The following HECTD4 variants were observed in gnomAD, a reference collection of about 807,000 sequenced individuals.
HECTD4 encodes probable E3 ubiquitin-protein ligase HECTD4.
HECTD4 carries 114 observed loss-of-function variants against 471.5 expected under a neutral mutation model. The observed-to-expected ratio is 0.24, with a 90% CI of 0.21 to 0.28. The LOEUF (loss-of-function observed/expected upper bound fraction) is 0.28. Among genes scored for constraint, HECTD4 ranks in the 10% least tolerant of loss-of-function variants. The probability of loss-of-function intolerance (pLI) is 1.00; values close to 1 mark genes in which losing one functional copy is unlikely to be tolerated. For synonymous variants in HECTD4, 2,012 were observed against 2,256.0 expected, an observed-to-expected ratio of 0.89 and a Z score of 3.07; for missense variants, 3,866 against 5,651.5, an observed-to-expected ratio of 0.68 and a Z score of 10.13.
intron 55 of HECTD4, 73 bp from the exon 56 acceptor site, chr12:112,195,139 G>A: frequency 7.4e-7 from 1 of 1,350,892 alleles, no homozygotes; most frequent in Non-Finnish European, 1.0e-6. Flanking sequence ...CAGGCCGCAG[G>A]TTCTGAAGGA....
At position 112,235,259 on chromosome 12, in the gene HECTD4, C is replaced by G. The variant is rs2033474133; in HGVS notation, c.5733G>C (p.Gln1911His). The G allele has an allele frequency of 1.2e-6, 2 of 1,611,846 alleles. No individual in the cohort carries two copies. The highest frequency in any genetic ancestry group is 1.3e-5 in the African/African-American group (1 of 74,754). Reference protein sequence around the residue: ...KLADYVVPGCQTVLSPTASEP... With the variant: ...KLADYVVPGCHTVLSPTASEP... ...CAGAAGCGGTTGGAGAAAGAACTGT[C>G]TGACATCCTTTAAGCAAAAAACAAA... Residue 1911 changes from glutamine (Q) to histidine (H), a missense_variant, in exon 37 of 76, where the codon CAG becomes CAC. Physicochemically the swap from Gln to His is conservative, Grantham distance 24. This residue lies in a region of HECTD4 where 617 missense variants were observed against 915.1 expected (regional missense o/e 0.67). Transcript: ENST00000682272. The surrounding 1 kb of genome is among the most constrained non-coding windows in gnomAD (Gnocchi z 5.0).
At position 112,182,175 on chromosome 12, in the gene HECTD4, A is replaced by T. The variant is rs146115249; in HGVS notation, c.10987+884T>A. ...AAGATGAAATTTCAAACATTAAAGAATTACATTAAGGCCAGTGTGATGACT... is the reference window on the plus strand; with the variant it reads ...AAGATGAAATTTCAAACATTAAAGATTTACATTAAGGCCAGTGTGATGACT... On this transcript the variant is annotated intron_variant, in intron 62 of 75. Coordinates refer to ENST00000682272, the MANE Select transcript of HECTD4 (RefSeq NM_001388303.1). 6.8e-3 allele frequency among the ~76,000 whole-genome samples: 1,040 copies of T among 152,108 alleles called. 10 individuals carry two copies. The highest frequency in any genetic ancestry group is 0.012 in the Non-Finnish European group (810 of 67,992).
In HECTD4 at chr12:112,171,174, G is replaced by T. The variant is rs750014282; in HGVS notation, c.11875C>A (p.Leu3959Met). 1.9e-6 allele frequency: 3 copies of T among 1,613,562 alleles called. No homozygotes were observed. In the Admixed American group the frequency reaches 5.0e-5, roughly 27 times the overall value. The change falls in exon 68 of 76, where the codon CTG becomes ATG. Residue 3959 changes from leucine to methionine, a missense_variant. By Grantham distance (15) the Leu-to-Met change is conservative. Around this residue, in one of 16 missense-constraint regions of HECTD4, gnomAD observed 715 missense variants for 1,087.6 expected, o/e 0.66. Coordinates refer to ENST00000682272, the MANE Select transcript of HECTD4 (RefSeq NM_001388303.1). ...TGGGTATACATGGGTGTCTGGCGCA[G>T]CTCCACCAGGGGCAGGAAGAAGGTC... Reference protein sequence around the residue: ...LETFFLPLVELRQTPMYTHSI... With the variant: ...LETFFLPLVEMRQTPMYTHSI...
intron 1 of HECTD4, among the ~76,000 whole-genome samples, chr12:112,344,295 G>A (rs1001019736): frequency 1.3e-5 from 2 of 152,126 alleles, no homozygotes; most frequent in African/African-American, 2.4e-5. Flanking sequence ...ATCCTAGAAT[G>A]TCCTGTTTTA....
chr12:112,251,007 GCTT>G lies in HECTD4; in HGVS notation c.3677_3679del (p.Glu1226del), dbSNP rs763620382. ...TTTGGACCGCAATAGCTCCTGACAG[GCTT>G]CTTCTTCTTTGGTAATTTCTGGTCC... is the stretch of plus-strand genomic sequence containing the variant. On this transcript the variant is annotated inframe_deletion, in exon 24 of 76. Transcript: ENST00000682272. 4 of 1,613,484 alleles carry G rather than the reference GCTT, an allele frequency of 2.5e-6. No individual in the cohort carries two copies. Among genetic ancestry groups the G allele is most frequent in the African/African-American group, 1.3e-5 (1 of 75,016 alleles).
At chr12:112,375,427 T>C (rs894900700) in intron 1 of HECTD4, among the ~76,000 whole-genome samples, 1 of 152,132 alleles carries the variant, frequency 6.6e-6, no homozygotes, top group African/African-American at 2.4e-5. Flanking sequence ...CAATGAAATA[T>C]GAGAAGCACT....
At chr12:112,247,171 G>A in intron 28 of HECTD4, 95 bp from the exon 29 acceptor site, 1 of 1,037,762 alleles carries the variant, frequency 9.6e-7, no homozygotes. Context: ...AGAAGACACA[G>A]GGGAAACTAA....
Position 112,194,859 on chromosome 12 carries a change from G to C in HECTD4, c.8749+26C>G, listed in dbSNP as rs1161994627. 1 of 1,590,956 alleles carries C rather than the reference G, an allele frequency of 6.3e-7. No individual in the cohort carries two copies. The highest frequency in any genetic ancestry group is 2.3e-5 in the East Asian group (1 of 43,948). On this transcript the variant is annotated intron_variant, in intron 56 of 75. Coordinates refer to ENST00000682272, the MANE Select transcript of HECTD4 (RefSeq NM_001388303.1). The surrounding 1 kb of genome is among the most constrained non-coding windows in gnomAD (Gnocchi z 4.6). ...CGCCCGCCTGGTGCTAAGTTCCAGAGTGACAGCAGCAAAGCCAAGTTTTAC... is the reference window on the plus strand; with the variant it reads ...CGCCCGCCTGGTGCTAAGTTCCAGACTGACAGCAGCAAAGCCAAGTTTTAC...
chr12:112,337,675 A>G lies in HECTD4; in HGVS notation c.178-17933T>C, dbSNP rs539436342. Among the ~76,000 whole-genome samples the G allele has an allele frequency of 1.4e-4, 22 of 152,358 alleles. No homozygotes were observed. In the South Asian group the frequency reaches 4.6e-3, roughly 32 times the overall value. On this transcript the variant is annotated intron_variant, in intron 1 of 75. Transcript: ENST00000682272. ...ATAATGCATTATCTACAACACATGC[A>G]TAAACTTAACCAAATCCCTCAACTT...
chr12:112,379,593 C>T (rs1183530790), intron 1 of HECTD4, among the ~76,000 whole-genome samples: 1 of 152,036 alleles, frequency 6.6e-6, no homozygotes, highest in East Asian at 1.9e-4. Context: ...ACTTGGGAGG[C>T]TGAGGCAGGA....
intron 66 of HECTD4, among the ~76,000 whole-genome samples, chr12:112,174,308 G>A (rs960801352): frequency 3.4e-5 from 5 of 148,572 alleles, no homozygotes; most frequent in Admixed American, 6.9e-5. Flanking sequence ...CTTGTTGGCC[G>A]GGCTGGAGTG....
chr12:112,322,638 C>T (rs2035609888), intron 1 of HECTD4: 1 of 152,482 alleles, frequency 6.6e-6, no homozygotes, highest in Non-Finnish European at 1.5e-5. Flanking sequence ...TCTGCAGCTA[C>T]AAGTTAAAGC....
chr12:112,377,114 G>A (rs1166005790), intron 1 of HECTD4, among the ~76,000 whole-genome samples: 2 of 151,768 alleles, frequency 1.3e-5, no homozygotes, highest in Non-Finnish European at 2.9e-5. Flanking sequence ...TCTCTGTCTC[G>A]AACATAAATA....
At chr12:112,217,514 C>G (rs995060597) in intron 45 of HECTD4, among the ~76,000 whole-genome samples, 1 of 152,124 alleles carries the variant, frequency 6.6e-6, no homozygotes, top group Non-Finnish European at 1.5e-5. Context: ...TCACCACACC[C>G]AGCTAATTTT....
intron 25 of HECTD4, chr12:112,249,869 C>T (rs1284870962): frequency 2.2e-5 from 10 of 452,460 alleles, no homozygotes; most frequent in Non-Finnish European, 3.6e-5. Context: ...TGCGCCCCAT[C>T]CTCAGACCTT....
At chr12:112,247,965 C>T (rs1394087406) in intron 27 of HECTD4, 102 bp downstream of exon 27, 90 of 754,708 alleles carry the variant, frequency 1.2e-4, no homozygotes, top group Non-Finnish European at 1.7e-4. Flanking sequence ...TAGGAAATGA[C>T]ATTATTTTAC....
chr12:112,170,359 G>A lies in HECTD4; in HGVS notation c.12026C>T (p.Thr4009Ile). The change falls in exon 69 of 76, where the codon ACC becomes ATC. Residue 4009 changes from threonine to isoleucine, a missense_variant. Around this residue, in one of 16 missense-constraint regions of HECTD4, gnomAD observed 715 missense variants for 1,087.6 expected, o/e 0.66. Transcript: ENST00000682272. ...RTADHAAPEI[T>I]LDPLEIVGGE... The stretch of plus-strand genomic sequence containing the variant: ...TCCCACAATTTCCAGTGGGTCCAAG[G>A]TGATCTCAGGGGCCGCGTGGTCCGC... The A allele has an allele frequency of 6.2e-7, 1 of 1,613,994 alleles. No individual in the cohort carries two copies. Among genetic ancestry groups the A allele is most frequent in the Non-Finnish European group, 8.5e-7 (1 of 1,179,896 alleles).
intron 58 of HECTD4, 95 bp downstream of exon 58, chr12:112,192,966 A>C (rs947147490): frequency 1.4e-6 from 2 of 1,456,058 alleles, no homozygotes; most frequent in Admixed American, 1.8e-5. Context: ...GCATTAAAGA[A>C]TCAGTGATTT....
At chr12:112,255,857 TTAAA>T (rs2033996521) in intron 21 of HECTD4, among the ~76,000 whole-genome samples, 1 of 152,118 alleles carries the variant, frequency 6.6e-6, no homozygotes, top group Admixed American at 6.5e-5. Flanking sequence ...GAACAAATGT[TTAAA>T]TAAATATAAA....
Sources: allele counts gnomAD v4.1 joint callset (sites outside exome capture counted in the v4.1 genomes callset), GRCh38; gene constraint gnomAD v4.1.1; regional missense constraint gnomAD v4.1.1; non-coding constraint Gnocchi (gnomAD v3.1); transcripts MANE v1.5; gene names NCBI Gene and HGNC (gene_info 2026-07-23, HGNC 2026-07-21).